Variants in DYNC1I1 observed in about 807,000 individuals in gnomAD.
DYNC1I1 encodes dynein cytoplasmic 1 intermediate chain 1.
Under a neutral mutation model 86.6 loss-of-function variants are expected in DYNC1I1, and 43 were observed. The observed-to-expected ratio is 0.50, with a 90% CI of 0.39 to 0.64. DYNC1I1 has a LOEUF of 0.64. Ranked by LOEUF, DYNC1I1 falls within the 30% of genes least tolerant of loss-of-function variation. The probability of loss-of-function intolerance (pLI) is 0.00; values close to 1 mark genes in which losing one functional copy is unlikely to be tolerated. For synonymous variants in DYNC1I1, 262 were observed against 283.7 expected, an observed-to-expected ratio of 0.92 and a Z score of 0.77; for missense variants, 604 against 788.8, an observed-to-expected ratio of 0.77 and a Z score of 2.81.
chr7:95,925,523 G>C (rs1791720603), intron 6 of DYNC1I1, among the ~76,000 whole-genome samples: 1 of 152,156 alleles, frequency 6.6e-6, no homozygotes, highest in African/African-American at 2.4e-5. Context: ...GTTTGGAATA[G>C]GTTCCTTCCC....
chr7:96,080,945 C>T (rs865831479), intron 16 of DYNC1I1, among the ~76,000 whole-genome samples: 4 of 151,844 alleles, frequency 2.6e-5, no homozygotes, highest in South Asian at 2.1e-4. Context: ...TGGCAGGCAC[C>T]TGTAATCCCA....
chr7:95,857,566 C>G (rs187933857), intron 5 of DYNC1I1, among the ~76,000 whole-genome samples: 137 of 152,294 alleles, frequency 9.0e-4, no homozygotes, highest in African/African-American at 3.0e-3. Flanking sequence ...AGGGTTCTCA[C>G]TGTGCAGAAC....
At chr7:95,986,801 T>C (rs1793607476) in intron 8 of DYNC1I1, among the ~76,000 whole-genome samples, 1 of 151,780 alleles carries the variant, frequency 6.6e-6, no homozygotes, top group East Asian at 2.0e-4. Flanking sequence ...CTGGTCAAGA[T>C]GGGAACTTGA....
chr7:95,823,196 A>G (rs934695506), intron 4 of DYNC1I1, among the ~76,000 whole-genome samples: 1 of 152,178 alleles, frequency 6.6e-6, no homozygotes, highest in Admixed American at 6.5e-5. Context: ...CAATAAACTA[A>G]GCACTGAGGA....
chr7:95,922,467 A>T (rs750900575), intron 6 of DYNC1I1, among the ~76,000 whole-genome samples: 1 of 152,156 alleles, frequency 6.6e-6, no homozygotes, highest in Non-Finnish European at 1.5e-5. Flanking sequence ...TCTGTACTCC[A>T]TGTGTGGCAT....
At chr7:96,063,644 A>T (rs2116183154) in intron 14 of DYNC1I1, among the ~76,000 whole-genome samples, 1 of 152,276 alleles carries the variant, frequency 6.6e-6, no homozygotes, top group Non-Finnish European at 1.5e-5. Flanking sequence ...GTCATACTGG[A>T]TTACAGCCCG....
intron 16 of DYNC1I1, among the ~76,000 whole-genome samples, chr7:96,104,188 A>T (rs956150912): frequency 2.0e-5 from 3 of 152,130 alleles, no homozygotes; most frequent in African/African-American, 7.2e-5. Context: ...TATTTAAAAA[A>T]TTTAATTTAG....
At chr7:95,894,326 T>A (rs1790820746) in intron 6 of DYNC1I1, among the ~76,000 whole-genome samples, 1 of 152,058 alleles carries the variant, frequency 6.6e-6, no homozygotes, top group Admixed American at 6.6e-5. Context: ...ATCTTCTCTG[T>A]CTCCTGATAT....
At chr7:96,021,740 T>C (rs898945594) in intron 10 of DYNC1I1, among the ~76,000 whole-genome samples, 3 of 152,204 alleles carry the variant, frequency 2.0e-5, no homozygotes, top group Non-Finnish European at 2.9e-5. Flanking sequence ...TTCTGGACAT[T>C]TTATGTAAAT....
At chr7:95,794,847 TTTC>T (rs1794396623) in intron 1 of DYNC1I1, among the ~76,000 whole-genome samples, 2 of 152,224 alleles carry the variant, frequency 1.3e-5, no homozygotes. Flanking sequence ...AATTTCTGAA[TTTC>T]CTAGTCAAGA....
intron 6 of DYNC1I1, among the ~76,000 whole-genome samples, chr7:95,909,079 T>G: frequency 6.8e-6 from 1 of 146,548 alleles, no homozygotes; most frequent in African/African-American, 2.5e-5. Context: ...ACTGATGAAA[T>G]ACCAAAGAGA....
At chr7:95,812,608 T>C (rs1584245975) in intron 3 of DYNC1I1, among the ~76,000 whole-genome samples, 1 of 152,138 alleles carries the variant, frequency 6.6e-6, no homozygotes, top group Non-Finnish European at 1.5e-5. Flanking sequence ...CAACTATTAA[T>C]TAAATGTAAA....
chr7:95,893,436 G>A (rs1427584610), intron 6 of DYNC1I1, among the ~76,000 whole-genome samples: 1 of 152,170 alleles, frequency 6.6e-6, no homozygotes, highest in Non-Finnish European at 1.5e-5. Flanking sequence ...TTCTTTAGGT[G>A]TTAAACAGTT....
chr7:95,920,097 G>A (rs749201245), intron 6 of DYNC1I1, among the ~76,000 whole-genome samples: 4 of 152,130 alleles, frequency 2.6e-5, no homozygotes, highest in East Asian at 1.9e-4. Flanking sequence ...TATGGAAAGC[G>A]GGGGAAGGAG....
intron 6 of DYNC1I1, among the ~76,000 whole-genome samples, chr7:95,891,257 G>A (rs965311575): frequency 1.3e-5 from 2 of 152,204 alleles, no homozygotes; most frequent in African/African-American, 2.4e-5. Flanking sequence ...ATATATTTCC[G>A]ATGTTTGATC....
intron 10 of DYNC1I1, among the ~76,000 whole-genome samples, chr7:96,015,591 C>T (rs779156091): frequency 6.6e-6 from 1 of 152,034 alleles, no homozygotes; most frequent in Non-Finnish European, 1.5e-5. Context: ...TTTTAAAAAC[C>T]AGCTCAAGTT....
At chr7:96,068,486 A>G (rs184912468) in intron 14 of DYNC1I1, among the ~76,000 whole-genome samples, 2 of 152,288 alleles carry the variant, frequency 1.3e-5, no homozygotes, top group East Asian at 3.9e-4. Context: ...TGTCTTTTAT[A>G]TATATGGTCA....
intron 6 of DYNC1I1, among the ~76,000 whole-genome samples, chr7:95,904,981 G>A (rs1235855244): frequency 6.6e-6 from 1 of 152,156 alleles, no homozygotes; most frequent in Non-Finnish European, 1.5e-5. Flanking sequence ...CCTTATCACT[G>A]AAATCAGTAC....
Position 95,992,912 on chromosome 7 carries a change from C to T in DYNC1I1, c.844-3036C>T, listed in dbSNP as rs145340326. On this transcript the variant is annotated intron_variant, in intron 9 of 16. Transcript: ENST00000447467. ...CAACCTCTGCCGGCCTCAGCCACTG[C>T]GCCCCAACTAGGTTTCATTTATTTG... Among the ~76,000 whole-genome samples the T allele has an allele frequency of 4.0e-3, 607 of 152,152 alleles. 11 individuals are homozygous for T. Among genetic ancestry groups the T allele is most frequent in the Admixed American group, 0.027 (405 of 15,282 alleles).
Sources: gnomAD v4.1 joint callset for allele counts (sites outside exome capture counted in the v4.1 genomes callset) on GRCh38, gnomAD v4.1.1 for gene constraint, MANE v1.5 for transcripts, NCBI Gene and HGNC (gene_info 2026-07-23, HGNC 2026-07-21) for gene names.